The following CCDC9 variants were observed in gnomAD, a reference collection of about 807,000 sequenced individuals.
CCDC9 encodes coiled-coil domain-containing protein 9.
CCDC9 carries 52 observed loss-of-function variants against 65.6 expected under a neutral mutation model. The ratio of observed to expected loss-of-function variants is 0.79; its 90% confidence interval spans 0.63 to 1.00. The LOEUF is 1.00. Ranked by LOEUF, CCDC9 falls within the 50% of genes least tolerant of loss-of-function variation. The pLI, the probability that CCDC9 is intolerant of heterozygous loss-of-function variation, is 0.00. For missense variants in CCDC9, 834 were observed against 757.2 expected, an observed-to-expected ratio of 1.10 and a Z score of -1.19; for synonymous variants, 332 against 280.3, an observed-to-expected ratio of 1.18 and a Z score of -1.84.
chr19:47,258,136 G>T (rs1482860199), intron 1 of CCDC9, 194 bp from the exon 2 acceptor site: 3 of 564,126 alleles, frequency 5.3e-6, no homozygotes, highest in Non-Finnish European at 9.5e-6. Context: ...AGTCCACAAA[G>T]ATCATGAAAG....
chr19:47,258,071 G>C (rs748309246), intron 1 of CCDC9: 14 of 432,612 alleles, frequency 3.2e-5, no homozygotes, highest in Non-Finnish European at 4.6e-5. Context: ...AGTGGGTGGG[G>C]GCCAGAACAT....
intron 5 of CCDC9, among the ~76,000 whole-genome samples, chr19:47,261,227 G>A (rs561577165): frequency 2.0e-5 from 3 of 151,588 alleles, no homozygotes; most frequent in East Asian, 3.9e-4. Flanking sequence ...CTCATCCTCC[G>A]TCCCCATCTC....
At chr19:47,274,913 T>A, downstream of CCDC9, 1 of 1,259,404 alleles carries the variant, frequency 7.9e-7, no homozygotes, top group Non-Finnish European at 9.8e-7. Flanking sequence ...CCGAGTGGGC[T>A]GCGGGGATGC....
At chr19:47,275,028 T>C (rs1451036264), downstream of CCDC9, 4 of 1,488,178 alleles carry the variant, frequency 2.7e-6, no homozygotes, top group African/African-American at 4.4e-5. Flanking sequence ...ATGCGCCTAC[T>C]TCCTCTGCGT....
chr19:47,256,860 T>A (rs2123432584), intron 1 of CCDC9, among the ~76,000 whole-genome samples: 1 of 150,688 alleles, frequency 6.6e-6, no homozygotes, highest in African/African-American at 2.5e-5. Context: ...GGCTGGACTG[T>A]GGGCGGGGCC....
rs545740296 is a variant in CCDC9, at chr19:47,270,710, C to T, written c.1085+22C>T. 31 of 1,601,832 alleles carry T rather than the reference C, an allele frequency of 1.9e-5. No homozygotes were observed. The African/African-American group carries it at 2.9e-4, about 15-fold the overall frequency. The stretch of plus-strand genomic sequence containing the variant: ...ACAGGTGGGGCACCCCTTCTGCGGG[C>T]TTGCATACCCCCAGGGCTCTCCGCA... On this transcript the variant is annotated intron_variant, in intron 10 of 11. Transcript: ENST00000221922.
At chr19:47,272,174 A>G (rs893374968), downstream of CCDC9, 7 of 1,232,454 alleles carry the variant, frequency 5.7e-6, no homozygotes, top group Non-Finnish European at 5.1e-6. Context: ...GGGGGAGTGC[A>G]TGGGGCATGG....
chr19:47,258,725 C>A, intron 3 of CCDC9, 62 bp downstream of exon 3: 2 of 1,238,292 alleles, frequency 1.6e-6, no homozygotes, highest in Non-Finnish European at 2.4e-6. Flanking sequence ...GTTTTTCTCA[C>A]CTCTCCCTTC....
Position 47,258,475 on chromosome 19 carries a change from G to A in CCDC9, c.3+72G>A. The A allele has an allele frequency of 3.1e-6, 5 of 1,607,468 alleles. No individual in the cohort carries two copies. The South Asian group carries it at 5.5e-5, about 18-fold the overall frequency. On this transcript the variant is annotated intron_variant, in intron 2 of 11. Transcript: ENST00000221922. Reference sequence around the variant, plus strand: ...GGGCTTGGGAGGATGGGATCCATAGGGGCAGACTCTCAGACCCTGGGGGAA... The same window carrying A: ...GGGCTTGGGAGGATGGGATCCATAGAGGCAGACTCTCAGACCCTGGGGGAA...
chr19:47,275,080 T>C (rs991235334), downstream of CCDC9: 1 of 1,496,294 alleles, frequency 6.7e-7, no homozygotes, highest in East Asian at 2.8e-5. Context: ...TACGGTCTCA[T>C]CTGGGTACCC....
Position 47,260,616 on chromosome 19 carries a change from C to A in CCDC9, c.239C>A (p.Ser80Tyr). Residue 80 changes from serine (S) to tyrosine (Y), a missense_variant, in exon 5 of 12, where the codon TCT becomes TAT. Physicochemically the swap from Ser to Tyr is moderately radical, Grantham distance 144. Coordinates refer to ENST00000221922, the MANE Select transcript of CCDC9 (RefSeq NM_015603.3). The part of the protein sequence containing the change: ...SEKNLGPSRR[S>Y]PGTPRPPGAS... ...AAGAACCTGGGTCCTTCCCGGAGGT[C>A]TCCTGGGACCCCTCGGCCCCCAGGG... The A allele has an allele frequency of 6.6e-7, 1 of 1,523,998 alleles. No individual in the cohort carries two copies. Among genetic ancestry groups the A allele is most frequent in the Non-Finnish European group, 8.7e-7 (1 of 1,145,192 alleles). The allele number at this position is 1,523,998 out of a possible 1,614,324, so 94.4% of individuals were successfully genotyped here. A position where few individuals can be genotyped will look rare whatever the true frequency, so the allele number is the denominator to read the frequency against.
downstream of CCDC9, chr19:47,273,334 G>T: frequency 8.1e-7 from 1 of 1,229,152 alleles, no homozygotes; most frequent in South Asian, 4.1e-5. Flanking sequence ...CCCCTCCGCT[G>T]ACTCAGCCCC....
chr19:47,275,068 A>G (rs750457270), downstream of CCDC9: 69 of 1,496,638 alleles, frequency 4.6e-5, no homozygotes, highest in South Asian at 5.9e-4. Flanking sequence ...CTCGCCGTGT[A>G]CTACGGTCTC....
chr19:47,270,302 C>G lies in CCDC9; in HGVS notation c.903-105C>G, dbSNP rs1175847357. On this transcript the variant is annotated intron_variant, in intron 8 of 11. Transcript: ENST00000221922. ...CTTCTAGTGTCCCCTGTCTGGTTGA[C>G]CGTCTGTCTCTGATCCGATTCCTGA... The G allele has an allele frequency of 3.7e-5, 40 of 1,092,582 alleles. No homozygotes were observed. In the South Asian group the frequency reaches 5.5e-4, roughly 15 times the overall value. 67.7% of individuals were successfully genotyped at this position (1,092,582 alleles called of 1,614,324 possible).
chr19:47,266,861 C>T, intron 8 of CCDC9, 69 bp downstream of exon 8: 1 of 1,522,202 alleles, frequency 6.6e-7, no homozygotes, highest in Non-Finnish European at 8.9e-7. Context: ...AAGTCCTATG[C>T]CTCTCTCTGG....
At chr19:47,270,527 C>T (rs2059109816) in intron 9 of CCDC9, 26 bp from the exon 10 acceptor site, 1 of 1,614,154 alleles carries the variant, frequency 6.2e-7, no homozygotes, top group Non-Finnish European at 8.5e-7. Flanking sequence ...CCTTCCCTTC[C>T]CAATGACACC....
chr19:47,258,200 G>C, intron 1 of CCDC9, 130 bp from the exon 2 acceptor site: 1 of 610,682 alleles, frequency 1.6e-6, no homozygotes. Context: ...AAAGGAGGGA[G>C]AGTGAGGGCT....
intron 5 of CCDC9, among the ~76,000 whole-genome samples, chr19:47,262,620 A>G (rs189902958): frequency 1.7e-4 from 26 of 152,306 alleles, no homozygotes; most frequent in Middle Eastern, 6.8e-3. Context: ...GGAAGGGGAA[A>G]GATAAGTCTG....
rs1282861964 is a variant in CCDC9 at position 47,271,757 on chromosome 19, G to T, written c.*79G>T. On this transcript the variant is annotated 3_prime_UTR_variant, in exon 12 of 12. Transcript: ENST00000221922. The stretch of plus-strand genomic sequence containing the variant: ...TGCGCGCGCGCGCGCGCGCGCGCGC[G>T]CGCTAGAGGGGTGTGGCTGGTGGGG... The T allele has an allele frequency of 1.5e-6, 2 of 1,347,724 alleles. No homozygotes were observed. The highest frequency in any genetic ancestry group is 1.5e-5 in the South Asian group (1 of 66,792). 83.5% of individuals were successfully genotyped at this position (1,347,724 alleles called of 1,614,324 possible). A position where few individuals can be genotyped will look rare whatever the true frequency, so the allele number is the denominator to read the frequency against.
Sources: gnomAD v4.1 joint callset for allele counts (sites outside exome capture counted in the v4.1 genomes callset) on GRCh38, gnomAD v4.1.1 for gene constraint, MANE v1.5 for transcripts, NCBI Gene and HGNC (gene_info 2026-07-23, HGNC 2026-07-21) for gene names.